Variants in PRSS53 observed in about 807,000 individuals in gnomAD.
PRSS53 encodes the protein serine protease 53, also known as EDTP308.
In PRSS53, 54 loss-of-function variants were observed where a neutral mutation model predicts 62.7. The ratio of observed to expected loss-of-function variants is 0.86; its 90% CI spans 0.69 to 1.08. The LOEUF (loss-of-function observed/expected upper bound fraction) is 1.08, where lower values mean the gene tolerates loss of function less well. PRSS53 is among the 50% of genes least tolerant of loss of function. PRSS53 has a pLI of 0.00. For synonymous variants in PRSS53, 273 were observed against 300.0 expected (o/e 0.91, Z 0.93); for missense variants, 688 against 728.3 (o/e 0.94, Z 0.64).
exon 3 of PRSS53, chr16:31,087,671 G>C (rs1241873847): frequency 6.2e-7 from 1 of 1,610,976 alleles, no homozygotes; most frequent in East Asian, 2.2e-5. Flanking sequence ...CCTGAGGCTT[G>C]GGGGGGCCGG....
Position 31,086,349 on chromosome 16 carries a change from C to T in PRSS53, c.651G>A (p.Gln217=), listed in dbSNP as rs368809497. Residue 217 remains glutamine (Q), a synonymous_variant, in exon 5 of 11, where the codon CAG becomes CAA. Transcript: ENST00000280606. The stretch of plus-strand genomic sequence containing the variant: ...CTCCCTATCAGACCTGACAGGGGCC[C>T]TGCACCCCAGGCTGGGGGCCCCCAC... 3.7e-6 allele frequency: 6 copies of T among 1,612,472 alleles called. No individual in the cohort carries two copies. The African/African-American group carries it at 5.3e-5, about 14-fold the overall frequency.
At chr16:31,084,139 C>T in exon 10 of PRSS53, 1 of 1,587,000 alleles carries the variant, frequency 6.3e-7, no homozygotes, top group Non-Finnish European at 8.6e-7. Context: ...CAGGCAGCTT[C>T]CAGGCTCAGC....
rs200094417 is a variant in PRSS53, at chr16:31,086,699, G to A, written c.442C>T (p.Pro148Ser). ...GCTCCAAAGGGGAAGCGATGGGCGG[G>A]CTGGGGCAGGCAGAGGGGTGTGTGG... is the stretch of plus-strand genomic sequence containing the variant. Residue 148 changes from proline (P) to serine (S), a missense_variant, in exon 4 of 11, where the codon CCC (proline) becomes TCC (serine). Transcript: ENST00000280606. 7.3e-4 allele frequency: 1,136 copies of A among 1,563,392 alleles called. 6 individuals are homozygous for A. Among genetic ancestry groups the A allele is most frequent in the Admixed American group, 9.1e-4 (49 of 53,616 alleles).
chr16:31,083,786 CCT>C, exon 11 of PRSS53: 4 of 1,614,104 alleles, frequency 2.5e-6, no homozygotes, highest in South Asian at 1.1e-5. Flanking sequence ...GGCCAGGTCC[CCT>C]GTCAGCAGCT....
chr16:31,086,885 C>T (rs1220010693), exon 4 of PRSS53: 1 of 1,595,212 alleles, frequency 6.3e-7, no homozygotes, highest in South Asian at 1.1e-5. Flanking sequence ...GAATTCAGTT[C>T]TGTTGCTGCT....
chr16:31,083,782 G>A (rs2143859878), exon 11 of PRSS53: 2 of 1,614,130 alleles, frequency 1.2e-6, no homozygotes, highest in Non-Finnish European at 1.7e-6. Context: ...GAATGGCCAG[G>A]TCCCCTGTCA....
chr16:31,087,246 C>T (rs530849292), intron 3 of PRSS53: 21 of 541,310 alleles, frequency 3.9e-5, no homozygotes, highest in African/African-American at 2.6e-4. Flanking sequence ...ATCCTCCCTC[C>T]GTGGCCTCCC....
At chr16:31,086,548 T>C in intron 4 of PRSS53, 57 bp from the exon 5 acceptor site, 3 of 1,575,260 alleles carry the variant, frequency 1.9e-6, no homozygotes, top group Admixed American at 1.8e-5. Flanking sequence ...CAAGGGAGAC[T>C]GGAAGCCAGG....
At chr16:31,086,300 C>G (rs755533419) in intron 5 of PRSS53, 37 bp downstream of exon 5, 1 of 1,590,776 alleles carries the variant, frequency 6.3e-7, no homozygotes, top group Non-Finnish European at 8.6e-7. Flanking sequence ...AGGGTTAGGC[C>G]CCTCCCCTTC....
chr16:31,083,573 G>C (rs1468543822), exon 11 of PRSS53: 28 of 1,442,082 alleles, frequency 1.9e-5, no homozygotes, highest in Non-Finnish European at 2.5e-5. Context: ...ACGCCTGCTT[G>C]GTAGCAGAGT....
chr16:31,086,551 A>C, intron 4 of PRSS53, 60 bp from the exon 5 acceptor site: 1 of 1,571,284 alleles, frequency 6.4e-7, no homozygotes, highest in Non-Finnish European at 8.7e-7. Flanking sequence ...GGGAGACTGG[A>C]AGCCAGGACA....
chr16:31,084,264 T>C, exon 10 of PRSS53: 2 of 1,612,486 alleles, frequency 1.2e-6, no homozygotes, highest in Non-Finnish European at 1.7e-6. Context: ...GGCAAGCATC[T>C]CCGAAGCTGT....
At chr16:31,083,536 A>C (rs1400175884) in exon 11 of PRSS53, 2 of 1,393,584 alleles carry the variant, frequency 1.4e-6, no homozygotes, top group East Asian at 2.8e-5. Context: ...ATTGTATCTG[A>C]AAGGGTAAAG....
At chr16:31,087,651 G>C in exon 3 of PRSS53, 3 of 1,611,388 alleles carry the variant, frequency 1.9e-6, no homozygotes, top group Non-Finnish European at 2.5e-6. Flanking sequence ...GCCAGGGACT[G>C]TGTTGCCCTC....
At chr16:31,086,054 T>C (rs367756540) in exon 6 of PRSS53, 4 of 1,613,970 alleles carry the variant, frequency 2.5e-6, no homozygotes, top group Non-Finnish European at 3.4e-6. Context: ...AGCCAGGAAC[T>C]GTGAGCAGCT....
chr16:31,084,662 G>A (rs772700023), exon 9 of PRSS53: 2 of 1,611,198 alleles, frequency 1.2e-6, no homozygotes, highest in Non-Finnish European at 1.7e-6. Flanking sequence ...CAGGCCCTAG[G>A]CCCCAGGAGG....
chr16:31,084,192 A>C (rs1293548540), exon 10 of PRSS53: 23 of 1,610,162 alleles, frequency 1.4e-5, no homozygotes, highest in Non-Finnish European at 2.0e-5. Flanking sequence ...GCCAGTCCAA[A>C]CTGCTGACCC....
intron 1 of PRSS53, chr16:31,088,514 C>T: frequency 7.1e-7 from 1 of 1,409,044 alleles, no homozygotes; most frequent in Non-Finnish European, 9.2e-7. Flanking sequence ...CAGCACCTCA[C>T]ACACACACAA....
chr16:31,085,281 A>T (rs755063319), intron 6 of PRSS53, 21 bp from the exon 7 acceptor site: 2 of 1,521,442 alleles, frequency 1.3e-6, no homozygotes, highest in African/African-American at 1.4e-5. Flanking sequence ...TAAGTGCCTC[A>T]TCTGACTTCT....
Sources: gnomAD v4.1 joint callset for allele counts on GRCh38, gnomAD v4.1.1 for gene constraint, MANE v1.5 for transcripts, NCBI Gene and HGNC (gene_info 2026-07-23, HGNC 2026-07-21) for gene names.